Variants in TSPAN5 observed in about 807,000 individuals in gnomAD.
The protein encoded by TSPAN5 is tetraspanin 5.
A neutral mutation model predicts 37.1 loss-of-function variants in TSPAN5; 10 were observed. The ratio of observed to expected loss-of-function variants is 0.27; its 90% CI spans 0.17 to 0.46. The LOEUF (loss-of-function observed/expected upper bound fraction) is 0.46. TSPAN5 is among the 20% of genes least tolerant of loss of function. TSPAN5 has a pLI of 1.00. For synonymous variants in TSPAN5, 110 were observed against 118.9 expected (o/e 0.93, Z 0.48); for missense variants, 195 against 326.6 (o/e 0.60, Z 3.11).
intron 1 of TSPAN5, among the ~76,000 whole-genome samples, chr4:98,548,704 C>G (rs1040491899): frequency 6.6e-6 from 1 of 152,070 alleles, no homozygotes; most frequent in African/African-American, 2.4e-5. Flanking sequence ...TCTTCAATGT[C>G]CATTATTTTA....
chr4:98,525,030 G>A (rs753911340), intron 1 of TSPAN5, among the ~76,000 whole-genome samples: 1 of 152,132 alleles, frequency 6.6e-6, no homozygotes, highest in African/African-American at 2.4e-5. Flanking sequence ...CACTTCTCTG[G>A]TATCTATTAC....
intron 2 of TSPAN5, among the ~76,000 whole-genome samples, chr4:98,496,965 T>G (rs1385006240): frequency 6.6e-6 from 1 of 152,028 alleles, no homozygotes; most frequent in African/African-American, 2.4e-5. Flanking sequence ...GTGGGGCCTT[T>G]GGGAGGTAAT....
In TSPAN5 at chr4:98,621,637, G is replaced by C. The variant is rs375377429; in HGVS notation, c.81+36509C>G. Among the ~76,000 whole-genome samples, 13 of 152,208 alleles carry C rather than the reference G, an allele frequency of 8.5e-5. No homozygotes were observed. In the East Asian group the frequency reaches 2.5e-3, roughly 29 times the overall value. ...CCCGCCTCAGGCTCCCAAAGTGCTA[G>C]GATAACAGGCGTGAGCCACTGCGCC... On this transcript the variant is annotated intron_variant, in intron 1 of 7. Transcript: ENST00000305798.
intron 1 of TSPAN5, among the ~76,000 whole-genome samples, chr4:98,605,217 G>A (rs1756004602): frequency 6.6e-6 from 1 of 152,098 alleles, no homozygotes; most frequent in African/African-American, 2.4e-5. Context: ...AAACCGCAAG[G>A]TTTGAAAGAG....
intron 1 of TSPAN5, among the ~76,000 whole-genome samples, chr4:98,643,144 CTTT>C (rs1579051333): frequency 6.6e-6 from 1 of 152,138 alleles, no homozygotes; most frequent in African/African-American, 2.4e-5. Context: ...TGGTGTACCA[CTTT>C]TTTATCTTTT....
intron 3 of TSPAN5, 107 bp from the exon 4 acceptor site, chr4:98,482,282 C>T (rs2110259647): frequency 1.1e-6 from 1 of 940,808 alleles, no homozygotes; most frequent in Non-Finnish European, 1.6e-6. Flanking sequence ...TGGATTGTTA[C>T]ACATCTCCAA....
At chr4:98,630,534 C>T (rs1756721254) in intron 1 of TSPAN5, among the ~76,000 whole-genome samples, 1 of 152,190 alleles carries the variant, frequency 6.6e-6, no homozygotes, top group African/African-American at 2.4e-5. Flanking sequence ...CCCTAAACAT[C>T]CCTGGATTGA....
intron 1 of TSPAN5, among the ~76,000 whole-genome samples, chr4:98,530,767 G>C (rs745929172): frequency 1.3e-5 from 2 of 150,286 alleles, no homozygotes; most frequent in Non-Finnish European, 2.9e-5. Context: ...TTAGAAACAG[G>C]ATCTTACTCC....
intron 1 of TSPAN5, among the ~76,000 whole-genome samples, chr4:98,513,707 G>A (rs1179157559): frequency 3.3e-5 from 5 of 152,066 alleles, no homozygotes; most frequent in Admixed American, 1.3e-4. Flanking sequence ...TGATCTAGTG[G>A]CACTTCTGAA....
chr4:98,574,591 T>C (rs1755193278), intron 1 of TSPAN5: 1 of 152,192 alleles, frequency 6.6e-6, no homozygotes, highest in Admixed American at 6.5e-5. Flanking sequence ...TCCTAGGGTG[T>C]CACAAAGAAT....
At chr4:98,592,428 GT>G (rs35941064) in intron 1 of TSPAN5, among the ~76,000 whole-genome samples, 3,653 of 119,104 alleles carry the variant, frequency 0.031, 127 homozygotes, top group East Asian at 0.21. Flanking sequence ...TCTGTTTTTT[GT>G]TTTTTTTTTT....
At chr4:98,527,289 T>G (rs1753982809) in intron 1 of TSPAN5, among the ~76,000 whole-genome samples, 1 of 152,192 alleles carries the variant, frequency 6.6e-6, no homozygotes, top group African/African-American at 2.4e-5. Context: ...AATATTAATC[T>G]TGCACCTTCA....
chr4:98,592,190 C>T (rs1579015108), intron 1 of TSPAN5, among the ~76,000 whole-genome samples: 5 of 148,948 alleles, frequency 3.4e-5, no homozygotes, highest in South Asian at 2.1e-4. Context: ...CATACGGAAA[C>T]GTTAATTTGA....
chr4:98,633,798 G>A (rs1295259836), intron 1 of TSPAN5, among the ~76,000 whole-genome samples: 1 of 152,088 alleles, frequency 6.6e-6, no homozygotes, highest in African/African-American at 2.4e-5. Context: ...GATCAATCAC[G>A]GCCGGGCACG....
At chr4:98,613,182 G>C (rs2110237110) in intron 1 of TSPAN5, among the ~76,000 whole-genome samples, 1 of 148,882 alleles carries the variant, frequency 6.7e-6, no homozygotes, top group South Asian at 2.1e-4. Context: ...GATGCACAAT[G>C]CCCTTTTGAG....
chr4:98,601,421 C>A (rs1755878492), intron 1 of TSPAN5, among the ~76,000 whole-genome samples: 1 of 152,228 alleles, frequency 6.6e-6, no homozygotes, highest in Non-Finnish European at 1.5e-5. Context: ...TTCTGGATAA[C>A]TTGCTGAAGC....
Position 98,537,651 on chromosome 4 carries a change from C to T in TSPAN5, c.82-29923G>A, listed in dbSNP as rs567518729. On this transcript the variant is annotated intron_variant, in intron 1 of 7. Transcript: ENST00000305798. ...CTGCTGGCAAATCCCATGCTCTCAA[C>T]ATGTGCCTCACCGCCCTCCCAGAGA... is the stretch of plus-strand genomic sequence containing the variant. Among the ~76,000 whole-genome samples the T allele has an allele frequency of 7.9e-5, 12 of 152,332 alleles. No individual in the cohort carries two copies. The East Asian group carries it at 1.5e-3, about 20-fold the overall frequency.
chr4:98,521,528 C>G (rs963918944), intron 1 of TSPAN5, among the ~76,000 whole-genome samples: 1 of 152,192 alleles, frequency 6.6e-6, no homozygotes, highest in Non-Finnish European at 1.5e-5. Context: ...TGTGTCTGCC[C>G]CAGCAGTGTG....
intron 1 of TSPAN5, among the ~76,000 whole-genome samples, chr4:98,624,620 C>T (rs939108905): frequency 1.3e-5 from 2 of 152,092 alleles, no homozygotes; most frequent in African/African-American, 4.8e-5. Flanking sequence ...ACACTGCTTC[C>T]CCACAGTACA....
Sources: gnomAD v4.1 joint callset for allele counts (sites outside exome capture counted in the v4.1 genomes callset) on GRCh38, gnomAD v4.1.1 for gene constraint, MANE v1.5 for transcripts, NCBI Gene and HGNC (gene_info 2026-07-23, HGNC 2026-07-21) for gene names.